PLCZ1: variants seen among roughly 807,000 people sequenced by gnomAD.
The protein encoded by PLCZ1 is phospholipase C zeta 1, also known as 1-phosphatidylinositol 4,5-bisphosphate phosphodiesterase zeta-1.
Under a neutral mutation model 76.8 loss-of-function variants are expected in PLCZ1, and 64 were observed. That is an observed-to-expected ratio of 0.83 (90% CI 0.68 to 1.03). The LOEUF (loss-of-function observed/expected upper bound fraction) is 1.03, where lower values mean the gene tolerates loss of function less well. PLCZ1 is among the 50% of genes least tolerant of loss of function. The pLI is 0.00. For missense variants in PLCZ1, 751 were observed against 713.7 expected, an observed-to-expected ratio of 1.05 and a Z score of -0.60; for synonymous variants, 248 against 230.8, an observed-to-expected ratio of 1.07 and a Z score of -0.68.
chr12:18,659,152 A>G, the PLCZ1 span, among the ~76,000 whole-genome samples: 4 of 152,150 alleles, frequency 2.6e-5, no homozygotes, highest in Non-Finnish European at 5.9e-5. Flanking sequence ...AACAGTAACC[A>G]TAATTCTCAT....
chr12:18,650,700 GTGTGTATA>G, the PLCZ1 span, among the ~76,000 whole-genome samples: 2 of 43,840 alleles, frequency 4.6e-5, no homozygotes, highest in African/African-American at 1.8e-4. Flanking sequence ...GTGTGTGTGT[GTGTGTATA>G]TATCTATATA....
intron 13 of PLCZ1, chr12:18,685,692 G>T (rs753510810): frequency 1.2e-5 from 6 of 511,394 alleles, no homozygotes; most frequent in African/African-American, 9.7e-5. Flanking sequence ...GGGTACAGAG[G>T]CAGGTTTAGA....
chr12:18,737,769 C>T (rs1191460832), intron 1 of PLCZ1, 163 bp downstream of exon 1: 8 of 342,096 alleles, frequency 2.3e-5, no homozygotes, highest in Non-Finnish European at 4.4e-5. Flanking sequence ...CCCCTCAAAC[C>T]TTTCATCATA....
At chr12:18,660,802 G>GA in the PLCZ1 span, among the ~76,000 whole-genome samples, 4 of 151,876 alleles carry the variant, frequency 2.6e-5, no homozygotes, top group Non-Finnish European at 4.4e-5. Flanking sequence ...TCATTCAAAG[G>GA]AAAAAATAAA....
intron 5 of PLCZ1, among the ~76,000 whole-genome samples, chr12:18,717,230 C>T (rs1368443509): frequency 2.0e-5 from 3 of 151,830 alleles, no homozygotes; most frequent in Non-Finnish European, 4.4e-5. Context: ...TTTATATTTT[C>T]TCTCTTAAAA....
intron 10 of PLCZ1, among the ~76,000 whole-genome samples, chr12:18,696,900 T>C (rs1366083526): frequency 6.6e-6 from 1 of 152,190 alleles, no homozygotes; most frequent in African/African-American, 2.4e-5. Context: ...TCGTTCTTAC[T>C]GGGATAATCT....
chr12:18,665,491 T>C, the PLCZ1 span, among the ~76,000 whole-genome samples: 61,494 of 152,100 alleles, frequency 0.4, 14,598 homozygotes, highest in South Asian at 0.6. Context: ...TAAAAGATAA[T>C]TATATAAAAC....
At chr12:18,723,285 G>A (rs747300999) in intron 4 of PLCZ1, 26 bp downstream of exon 4, 19 of 1,567,524 alleles carry the variant, frequency 1.2e-5, no homozygotes, top group South Asian at 3.4e-5. Flanking sequence ...TAAATATTCC[G>A]ATAAAAGTTT....
At chr12:18,696,298 A>C (rs746681075) in intron 10 of PLCZ1, 32 bp from the exon 11 acceptor site, 1 of 849,290 alleles carries the variant, frequency 1.2e-6, no homozygotes, top group Non-Finnish European at 1.8e-6. Flanking sequence ...ATTGTGAAAG[A>C]ATTCAAATAA....
At chr12:18,726,955 G>A (rs1184414263) in intron 3 of PLCZ1, among the ~76,000 whole-genome samples, 1 of 151,984 alleles carries the variant, frequency 6.6e-6, no homozygotes, top group African/African-American at 2.4e-5. Context: ...ATACTATACT[G>A]GGTAACAAGG....
chr12:18,662,612 C>G, the PLCZ1 span, among the ~76,000 whole-genome samples: 2 of 152,032 alleles, frequency 1.3e-5, no homozygotes, highest in Non-Finnish European at 2.9e-5. Context: ...ATTTTGTTTT[C>G]TACATTATTT....
At chr12:18,722,798 T>C (rs968276885) in intron 4 of PLCZ1, among the ~76,000 whole-genome samples, 1 of 152,050 alleles carries the variant, frequency 6.6e-6, no homozygotes, top group Admixed American at 6.6e-5. Flanking sequence ...AAAGTATATA[T>C]ATTTACGAAA....
chr12:18,729,905 G>A (rs539862291), intron 3 of PLCZ1, among the ~76,000 whole-genome samples: 7 of 152,070 alleles, frequency 4.6e-5, no homozygotes, highest in African/African-American at 1.4e-4. Flanking sequence ...CAGAATTTAC[G>A]TCAGCTTAGA....
chr12:18,674,477 A>T, the PLCZ1 span, among the ~76,000 whole-genome samples: 1 of 152,152 alleles, frequency 6.6e-6, no homozygotes. Context: ...CACTCTATGA[A>T]TTTTTTGGAC....
intron 5 of PLCZ1, among the ~76,000 whole-genome samples, chr12:18,717,886 T>G (rs1008708388): frequency 3.9e-5 from 6 of 152,142 alleles, no homozygotes; most frequent in African/African-American, 1.4e-4. Flanking sequence ...GAAATCGCAT[T>G]TCGAATTTTG....
chr12:18,712,042 T>G (rs959824190), intron 6 of PLCZ1, among the ~76,000 whole-genome samples: 2 of 152,186 alleles, frequency 1.3e-5, no homozygotes. Context: ...TGTATTGACA[T>G]AGGAGAACTT....
downstream of PLCZ1, among the ~76,000 whole-genome samples, chr12:18,678,807 A>G (rs1246121028): frequency 6.6e-6 from 1 of 152,052 alleles, no homozygotes; most frequent in Non-Finnish European, 1.5e-5. Flanking sequence ...ATAAACAGTT[A>G]TGGAAGCCTT....
intron 7 of PLCZ1, 135 bp downstream of exon 7, chr12:18,705,031 C>A: frequency 9.1e-7 from 1 of 1,103,138 alleles, no homozygotes. Flanking sequence ...GGCAACATTG[C>A]AAAAATAAAC....
the PLCZ1 span, among the ~76,000 whole-genome samples, chr12:18,658,552 A>G: frequency 6.6e-6 from 1 of 152,186 alleles, no homozygotes; most frequent in Non-Finnish European, 1.5e-5. Context: ...AGAAAAGACC[A>G]TCAACCAAGA....
Sources: gnomAD v4.1 joint callset for allele counts (sites outside exome capture counted in the v4.1 genomes callset) on GRCh38, gnomAD v4.1.1 for gene constraint, MANE v1.5 for transcripts, NCBI Gene and HGNC (gene_info 2026-07-23, HGNC 2026-07-21) for gene names.